Variants in CA10 observed in about 807,000 individuals in gnomAD.
The protein encoded by CA10 is carbonic anhydrase-related protein 10.
In CA10, 14 loss-of-function variants were observed where a neutral mutation model predicts 44.2. The ratio of observed to expected loss-of-function variants is 0.32; its 90% CI spans 0.21 to 0.50. CA10 has a LOEUF of 0.50. CA10 is among the 20% of genes least tolerant of loss of function. The pLI is 0.99. For missense variants in CA10, 350 were observed against 409.7 expected, an observed-to-expected ratio of 0.85 and a Z score of 1.26; for synonymous variants, 159 against 141.6, an observed-to-expected ratio of 1.12 and a Z score of -0.87.
chr17:52,029,566 C>G (rs566710856), intron 2 of CA10, among the ~76,000 whole-genome samples: 2 of 151,388 alleles, frequency 1.3e-5, no homozygotes, highest in Non-Finnish European at 2.9e-5. Context: ...CCTCTCAAGG[C>G]GAAGGCGTTT....
chr17:51,903,137 A>G (rs1485668106), intron 3 of CA10, among the ~76,000 whole-genome samples: 1 of 152,180 alleles, frequency 6.6e-6, no homozygotes, highest in Non-Finnish European at 1.5e-5. Context: ...CGTACATTAA[A>G]TCAGAAGTGA....
intron 2 of CA10, among the ~76,000 whole-genome samples, chr17:51,957,648 C>A (rs1339553588): frequency 6.6e-6 from 1 of 152,036 alleles, no homozygotes; most frequent in African/African-American, 2.4e-5. Flanking sequence ...TTGGCCAATT[C>A]CATCACTGCC....
chr17:52,081,440 C>T (rs1219257143), intron 1 of CA10, among the ~76,000 whole-genome samples: 1 of 152,082 alleles, frequency 6.6e-6, no homozygotes, highest in Non-Finnish European at 1.5e-5. Flanking sequence ...ATGTAAGTAG[C>T]GGCCCAAGAG....
chr17:52,042,597 G>C (rs1380593665), intron 2 of CA10, among the ~76,000 whole-genome samples: 1 of 151,542 alleles, frequency 6.6e-6, no homozygotes, highest in African/African-American at 2.4e-5. Flanking sequence ...GAAGATTTTA[G>C]TTTTATGTAG....
intron 3 of CA10, among the ~76,000 whole-genome samples, chr17:51,748,057 TTTTCATCA>T (rs1370548716): frequency 1.3e-5 from 2 of 152,334 alleles, no homozygotes; most frequent in African/African-American, 4.8e-5. Flanking sequence ...TGAAGGAGAC[TTTTCATCA>T]TTTGTGATTA....
intron 4 of CA10, among the ~76,000 whole-genome samples, chr17:51,683,992 C>T (rs1030523910): frequency 6.6e-6 from 1 of 152,216 alleles, no homozygotes; most frequent in Non-Finnish European, 1.5e-5. Flanking sequence ...TTCTAATCCC[C>T]AGAACCTGTG....
At chr17:51,777,635 G>A (rs1302763590) in intron 3 of CA10, among the ~76,000 whole-genome samples, 1 of 152,094 alleles carries the variant, frequency 6.6e-6, no homozygotes, top group Non-Finnish European at 1.5e-5. Context: ...TGAAACAATG[G>A]CCAAATTGCA....
intron 3 of CA10, among the ~76,000 whole-genome samples, chr17:51,786,660 G>C (rs1906298277): frequency 1.4e-5 from 2 of 144,706 alleles, no homozygotes; most frequent in South Asian, 4.2e-4. Flanking sequence ...GATTGCTCTT[G>C]CTAGGAATTC....
intron 4 of CA10, among the ~76,000 whole-genome samples, chr17:51,701,315 T>C (rs967981089): frequency 2.0e-5 from 3 of 152,124 alleles, no homozygotes; most frequent in Admixed American, 1.3e-4. Flanking sequence ...AGGACACCAG[T>C]TGTTGGATCA....
chr17:52,066,633 T>C (rs1987544808), intron 2 of CA10, among the ~76,000 whole-genome samples: 1 of 152,236 alleles, frequency 6.6e-6, no homozygotes, highest in Non-Finnish European at 1.5e-5. Context: ...CTCAGTCATG[T>C]GGAACTGTGA....
At chr17:51,663,745 T>G (rs1477414702) in intron 4 of CA10, among the ~76,000 whole-genome samples, 2 of 152,202 alleles carry the variant, frequency 1.3e-5, no homozygotes, top group African/African-American at 2.4e-5. Flanking sequence ...CTGCTGGGGC[T>G]CTGATAAAGG....
intron 2 of CA10, among the ~76,000 whole-genome samples, chr17:51,990,617 C>T (rs895472374): frequency 6.6e-6 from 1 of 152,024 alleles, no homozygotes; most frequent in East Asian, 1.9e-4. Flanking sequence ...AATTAGTGAT[C>T]CTCTTTTCAG....
At chr17:51,819,279 CTT>C (rs1907677139) in intron 3 of CA10, among the ~76,000 whole-genome samples, 1 of 152,130 alleles carries the variant, frequency 6.6e-6, no homozygotes, top group Non-Finnish European at 1.5e-5. Context: ...TTGTGGATGC[CTT>C]CTTTCTGGTC....
intron 1 of CA10, among the ~76,000 whole-genome samples, chr17:52,112,131 T>G (rs1432881448): frequency 1.3e-5 from 2 of 152,014 alleles, no homozygotes; most frequent in African/African-American, 2.4e-5. Context: ...ACTGCCCCAA[T>G]TCACCAGATT....
chr17:52,059,982 T>C (rs949328593), intron 2 of CA10, among the ~76,000 whole-genome samples: 2 of 152,240 alleles, frequency 1.3e-5, no homozygotes, highest in African/African-American at 4.8e-5. Flanking sequence ...TCCAACTCCA[T>C]CATTCATTTG....
intron 4 of CA10, among the ~76,000 whole-genome samples, chr17:51,696,442 G>A (rs545413886): frequency 3.9e-5 from 6 of 152,136 alleles, no homozygotes; most frequent in South Asian, 2.1e-4. Flanking sequence ...TGTTACCTTC[G>A]CAGTTTCTGA....
At chr17:51,644,506 CT>C (rs930671307) in intron 6 of CA10, among the ~76,000 whole-genome samples, 4 of 152,180 alleles carry the variant, frequency 2.6e-5, no homozygotes, top group Admixed American at 1.3e-4. Context: ...ATGCCAACGT[CT>C]TCCACATTTA....
chr17:51,787,035 GA>G (rs1239334822), intron 3 of CA10, among the ~76,000 whole-genome samples: 4 of 152,148 alleles, frequency 2.6e-5, no homozygotes, highest in Non-Finnish European at 5.9e-5. Context: ...ACTTGGCCAT[GA>G]TGTATGATCT....
chr17:51,668,278 A>T lies in CA10; in HGVS notation c.466-14542T>A, dbSNP rs553685971. On this transcript the variant is annotated intron_variant, in intron 4 of 8. Coordinates refer to ENST00000451037, the MANE Select transcript of CA10 (RefSeq NM_020178.5). The stretch of plus-strand genomic sequence containing the variant: ...ACTGTACCAGGGAGGGGCGATTTCA[A>T]GAAGAGACTCAGTCTTGGCCTCAAG... 3.2e-4 allele frequency among the ~76,000 whole-genome samples: 48 copies of T among 152,344 alleles called. 1 individual carries two copies. Among genetic ancestry groups the T allele is most frequent in the African/African-American group, 1.1e-3 (47 of 41,580 alleles).
Sources: allele counts gnomAD v4.1 joint callset (sites outside exome capture counted in the v4.1 genomes callset), GRCh38; gene constraint gnomAD v4.1.1; transcripts MANE v1.5; gene names NCBI Gene and HGNC (gene_info 2026-07-23, HGNC 2026-07-21).